SEZ6L: variants seen among roughly 807,000 people sequenced by gnomAD.
SEZ6L encodes the protein seizure related 6 homolog like.
SEZ6L carries 37 observed loss-of-function variants against 106.2 expected under a neutral mutation model. The observed-to-expected ratio is 0.35, with a 90% confidence interval of 0.27 to 0.46. The LOEUF (loss-of-function observed/expected upper bound fraction) is 0.46. Ranked by LOEUF, SEZ6L falls within the 20% of genes least tolerant of loss-of-function variation. The pLI, the probability that SEZ6L is intolerant of heterozygous loss-of-function variation, is 1.00. For missense variants in SEZ6L, 1,172 were observed against 1,332.8 expected (o/e 0.88, Z 1.88); for synonymous variants, 541 against 570.4 (o/e 0.95, Z 0.73).
At chr22:26,244,966 G>C (rs948388357) in intron 1 of SEZ6L, among the ~76,000 whole-genome samples, 1 of 152,186 alleles carries the variant, frequency 6.6e-6, no homozygotes, top group Non-Finnish European at 1.5e-5. Context: ...TTTTGAGCAG[G>C]GAAATGACAT....
At chr22:26,236,339 T>C (rs926951891) in intron 1 of SEZ6L, among the ~76,000 whole-genome samples, 1 of 152,194 alleles carries the variant, frequency 6.6e-6, no homozygotes, top group Non-Finnish European at 1.5e-5. Flanking sequence ...TTGGGTATTA[T>C]TGAAACTCCC....
chr22:26,356,956 T>A (rs1441306630), intron 12 of SEZ6L, among the ~76,000 whole-genome samples: 1 of 54,832 alleles, frequency 1.8e-5, no homozygotes, highest in Non-Finnish European at 3.7e-5. Context: ...TCCTCAGAAC[T>A]TTTTTTTTTT....
At chr22:26,335,507 T>C (rs1247984272) in intron 9 of SEZ6L, among the ~76,000 whole-genome samples, 2 of 151,962 alleles carry the variant, frequency 1.3e-5, no homozygotes, top group African/African-American at 2.4e-5. Context: ...ATAGAATATA[T>C]AGAATGCTGA....
chr22:26,173,168 A>T (rs2123758679), intron 1 of SEZ6L, among the ~76,000 whole-genome samples: 1 of 152,332 alleles, frequency 6.6e-6, no homozygotes, highest in African/African-American at 2.4e-5. Flanking sequence ...GGATTACATA[A>T]TGCATGTAAA....
intron 1 of SEZ6L, among the ~76,000 whole-genome samples, chr22:26,237,713 T>A (rs147380640): frequency 6.6e-4 from 100 of 152,328 alleles, no homozygotes; most frequent in Non-Finnish European, 1.1e-3. Flanking sequence ...ATATTAATGA[T>A]GAAATGGTTA....
chr22:26,328,434 C>T (rs1239205418), intron 9 of SEZ6L, among the ~76,000 whole-genome samples: 2 of 152,226 alleles, frequency 1.3e-5, no homozygotes, highest in Non-Finnish European at 2.9e-5. Context: ...GGCTAATCTG[C>T]TTCAAGGTCC....
chr22:26,206,281 C>G (rs1377209052), intron 1 of SEZ6L, among the ~76,000 whole-genome samples: 1 of 152,170 alleles, frequency 6.6e-6, no homozygotes, highest in African/African-American at 2.4e-5. Context: ...GAGAAAATGT[C>G]CAGAACCACC....
At chr22:26,281,378 T>C (rs188883691) in intron 1 of SEZ6L, among the ~76,000 whole-genome samples, 7,058 of 143,730 alleles carry the variant, frequency 0.049, 478 homozygotes, top group African/African-American at 0.17. Flanking sequence ...TTCTTTCTTT[T>C]TTTTTTTTTT....
At chr22:26,227,516 T>C (rs2078668614) in intron 1 of SEZ6L, among the ~76,000 whole-genome samples, 1 of 152,108 alleles carries the variant, frequency 6.6e-6, no homozygotes, top group South Asian at 2.1e-4. Flanking sequence ...CAAGCAGTCT[T>C]CCCACCTCAG....
chr22:26,297,492 T>C (rs1012619092), intron 4 of SEZ6L, among the ~76,000 whole-genome samples: 2 of 152,182 alleles, frequency 1.3e-5, no homozygotes, highest in Non-Finnish European at 1.5e-5. Context: ...TTCAGTTTGT[T>C]GCCAGGAAAA....
At chr22:26,191,641 G>A (rs966000387) in intron 1 of SEZ6L, among the ~76,000 whole-genome samples, 2 of 152,022 alleles carry the variant, frequency 1.3e-5, no homozygotes, top group Non-Finnish European at 2.9e-5. Context: ...ATGAATGCTG[G>A]GCTTAATATC....
chr22:26,370,886 C>A (rs2084009439), intron 13 of SEZ6L, among the ~76,000 whole-genome samples: 1 of 151,728 alleles, frequency 6.6e-6, no homozygotes, highest in Admixed American at 6.6e-5. Flanking sequence ...CTCCTGTAGT[C>A]CCAACTACTT....
intron 1 of SEZ6L, among the ~76,000 whole-genome samples, chr22:26,285,416 T>C (rs754530540): frequency 2.0e-5 from 3 of 152,230 alleles, no homozygotes; most frequent in African/African-American, 2.4e-5. Flanking sequence ...AGCTGATCAG[T>C]TCCAGGAATT....
intron 12 of SEZ6L, among the ~76,000 whole-genome samples, chr22:26,354,356 T>C (rs2146030788): frequency 6.6e-6 from 1 of 152,270 alleles, no homozygotes; most frequent in South Asian, 2.1e-4. Flanking sequence ...ATTAGAGTGA[T>C]GCAGCTGCAA....
At chr22:26,256,422 C>A (rs568014269) in intron 1 of SEZ6L, among the ~76,000 whole-genome samples, 2 of 152,334 alleles carry the variant, frequency 1.3e-5, no homozygotes, top group Admixed American at 1.3e-4. Flanking sequence ...TTTCCAAATG[C>A]ACACAGAATG....
intron 1 of SEZ6L, among the ~76,000 whole-genome samples, chr22:26,210,744 C>T (rs556033770): frequency 1.3e-5 from 2 of 152,288 alleles, no homozygotes; most frequent in African/African-American, 4.8e-5. Flanking sequence ...TTCCAAACTC[C>T]TAATCAGAAG....
intron 15 of SEZ6L, among the ~76,000 whole-genome samples, chr22:26,376,061 G>A (rs544165768): frequency 5.9e-5 from 9 of 152,294 alleles, no homozygotes. Context: ...TGTCCCAGGT[G>A]TTGAGGGTCT....
chr22:26,348,705 G>GAAAGCAA (rs1481352357), intron 11 of SEZ6L, among the ~76,000 whole-genome samples: 1 of 48,068 alleles, frequency 2.1e-5, no homozygotes, highest in Non-Finnish European at 4.2e-5. Flanking sequence ...AAAGAAAGAA[G>GAAAGCAA]GCAAGGGAGG....
At position 26,289,140 on chromosome 22, in the gene SEZ6L, T is replaced by A. The variant is rs139738070; in HGVS notation, c.95-3266T>A. Among the ~76,000 whole-genome samples, 20 of 152,314 alleles carry A rather than the reference T, an allele frequency of 1.3e-4. No homozygotes were observed. The East Asian group carries it at 3.9e-3, about 29-fold the overall frequency. On this transcript the variant is annotated intron_variant, in intron 1 of 16. Transcript: ENST00000248933. ...GGAGACCCATGCAAAGTCATGCTAG[T>A]GAATAGTGGCCAAGATGGGACACCA...
Sources: gnomAD v4.1 joint callset for allele counts (sites outside exome capture counted in the v4.1 genomes callset) on GRCh38, gnomAD v4.1.1 for gene constraint, MANE v1.5 for transcripts, NCBI Gene and HGNC (gene_info 2026-07-23, HGNC 2026-07-21) for gene names.